MICAL1: variants seen among roughly 807,000 people sequenced by gnomAD.
MICAL1 encodes microtubule associated monooxygenase, calponin and LIM domain containing 1.
MICAL1 carries 95 observed loss-of-function variants against 131.8 expected under a neutral mutation model. The ratio of observed to expected loss-of-function variants is 0.72; its 90% CI spans 0.61 to 0.86. MICAL1 has a LOEUF of 0.86. MICAL1 is among the 40% of genes least tolerant of loss of function. The pLI is 0.00. For synonymous variants in MICAL1, 546 were observed against 554.2 expected, an observed-to-expected ratio of 0.99 and a Z score of 0.21; for missense variants, 1,292 against 1,380.6, an observed-to-expected ratio of 0.94 and a Z score of 1.02.
At chr6:109,446,842 T>C in intron 17 of MICAL1, 70 bp from the exon 18 acceptor site, 2 of 1,442,712 alleles carry the variant, frequency 1.4e-6, no homozygotes, top group African/African-American at 1.4e-5. Context: ...CAACAGTTTA[T>C]GAAGGAAGGT....
intron 1 of MICAL1, chr6:109,465,547 T>C (rs560353619): frequency 1.8e-6 from 2 of 1,140,588 alleles, no homozygotes; most frequent in South Asian, 3.0e-5. Flanking sequence ...CATTTAAACC[T>C]TACAGAAAAA....
rs532281951 is a variant in MICAL1 at position 109,446,654 on chromosome 6, T to C, written c.2304+42A>G. On this transcript the variant is annotated intron_variant, in intron 18 of 24. Coordinates refer to ENST00000358807, the MANE Select transcript of MICAL1 (RefSeq NM_022765.4). Reference sequence around the variant, plus strand: ...CGCTGGTTTGACGAGACCCTCTTCCTCTTCCCATGCCCCAATATACATACA... The same window carrying C: ...CGCTGGTTTGACGAGACCCTCTTCCCCTTCCCATGCCCCAATATACATACA... 5.6e-6 allele frequency: 9 copies of C among 1,595,958 alleles called. No homozygotes were observed. The East Asian group carries it at 2.0e-4, about 36-fold the overall frequency.
At chr6:109,451,724 G>A (rs1475654322) in intron 6 of MICAL1, 24 bp from the exon 7 acceptor site, 1 of 1,612,688 alleles carries the variant, frequency 6.2e-7, no homozygotes, top group South Asian at 1.1e-5. Flanking sequence ...GCAGGGGACA[G>A]TAGATATGTC....
intron 14 of MICAL1, 64 bp from the exon 15 acceptor site, chr6:109,447,786 A>G (rs1582641263): frequency 6.2e-7 from 1 of 1,612,540 alleles, no homozygotes. Context: ...CCACTTTCTG[A>G]ATGTCCTCAC....
At position 109,449,430 on chromosome 6, in the gene MICAL1, CGTT is replaced by C. The variant is rs766443242; in HGVS notation, c.1483_1485del (p.Asn495del). On this transcript the variant is annotated inframe_deletion, in exon 11 of 25. Coordinates refer to ENST00000358807, the MANE Select transcript of MICAL1 (RefSeq NM_022765.4). ...GCTGGCATCCCTGTATCTGTCTTGT[CGTT>C]GTTCCTCTGCACAGGCTCCTTGGCT... is the stretch of plus-strand genomic sequence containing the variant. 3.1e-6 allele frequency: 5 copies of C among 1,614,196 alleles called. No individual in the cohort carries two copies. Among genetic ancestry groups the C allele is most frequent in the East Asian group, 2.2e-5 (1 of 44,882 alleles).
rs144411949 is a variant in MICAL1 at position 109,453,757 on chromosome 6, C to A, written c.347G>T (p.Arg116Leu). 6.2e-7 allele frequency: 1 copy of A among 1,613,702 alleles called. No homozygotes were observed. The highest frequency in any genetic ancestry group is 1.1e-5 in the South Asian group (1 of 91,086). ...CACGTTGTGGCGAGAGAACTTGGTGCGCTTTTCCACCAGCACCACTCGGGC... is the reference window on the plus strand; with the variant it reads ...CACGTTGTGGCGAGAGAACTTGGTGAGCTTTTCCACCAGCACCACTCGGGC... ...LGARVVLVEK[R>L]TKFSRHNVLH... The change falls in exon 3 of 25, where the codon CGC (arginine) becomes CTC (leucine). Residue 116 changes from arginine to leucine, a missense_variant. By Grantham distance (102) the Arg-to-Leu change is moderately radical. Transcript: ENST00000358807.
chr6:109,453,234 G>A lies in MICAL1; in HGVS notation c.571+29C>T, dbSNP rs773543689. 215 of 1,557,398 alleles carry A rather than the reference G, an allele frequency of 1.4e-4. 1 individual carries two copies. Among genetic ancestry groups the A allele is most frequent in the Middle Eastern group, 1.7e-4 (1 of 5,998 alleles). Reference sequence around the variant, plus strand: ...GGCCAAGTTCTTGATGGGGGAGGGGGAGATTCCAGGGAGCATAGAAATACT... The same window carrying A: ...GGCCAAGTTCTTGATGGGGGAGGGGAAGATTCCAGGGAGCATAGAAATACT... On this transcript the variant is annotated intron_variant, in intron 4 of 24. Transcript: ENST00000358807.
intron 8 of MICAL1, 25 bp downstream of exon 8, chr6:109,450,275 C>T (rs757422264): frequency 3.1e-6 from 5 of 1,593,992 alleles, no homozygotes; most frequent in Middle Eastern, 3.9e-4. Flanking sequence ...AACCATGAAA[C>T]CCCTGTGCCT....
upstream of MICAL1, among the ~76,000 whole-genome samples, chr6:109,456,282 A>G (rs1775744189): frequency 6.6e-6 from 1 of 152,030 alleles, no homozygotes; most frequent in Non-Finnish European, 1.5e-5. Flanking sequence ...GAGGTTTGGA[A>G]AAGCCGGCGG....
upstream of MICAL1, chr6:109,456,039 C>G (rs1262693122): frequency 6.1e-6 from 6 of 985,940 alleles, no homozygotes; most frequent in Non-Finnish European, 7.2e-6. Flanking sequence ...GCGGACACCC[C>G]GTTCCGCTCT....
At chr6:109,445,371 C>G (rs534474178) in intron 21 of MICAL1, 45 bp downstream of exon 21, 3 of 1,613,400 alleles carry the variant, frequency 1.9e-6, no homozygotes, top group Non-Finnish European at 2.5e-6. Flanking sequence ...ATCTCAGTCT[C>G]AGAACTTTGA....
rs757924541 is a variant in MICAL1 at position 109,445,882 on chromosome 6, C to A, written c.2582-20G>T. The A allele has an allele frequency of 6.3e-7, 1 of 1,588,460 alleles. No homozygotes were observed. Among genetic ancestry groups the A allele is most frequent in the South Asian group, 1.1e-5 (1 of 87,780 alleles). ...CAAGAGCTGAGAAGAAGAACTGAGACGTTCTACTGCCTCCAGCGCCTGCCC... is the reference window on the plus strand; with the variant it reads ...CAAGAGCTGAGAAGAAGAACTGAGAAGTTCTACTGCCTCCAGCGCCTGCCC... On this transcript the variant is annotated intron_variant, in intron 19 of 24. Coordinates refer to ENST00000358807, the MANE Select transcript of MICAL1 (RefSeq NM_022765.4).
chr6:109,444,937 C>T lies in MICAL1; in HGVS notation c.2940G>A (p.Lys980=), dbSNP rs1411130429. The T allele has an allele frequency of 6.8e-6, 11 of 1,614,036 alleles. No homozygotes were observed. Among genetic ancestry groups the T allele is most frequent in the Non-Finnish European group, 8.5e-6 (10 of 1,180,040 alleles). ...WVGQLLQLVD[K]KNSLVAEEAE... ...CCTCCTCAGCCACCAGGCTGTTTTT[C>T]TTGTCAACGAGCTGTAGCAGCTGTC... The change falls in exon 23 of 25, where the codon AAG becomes AAA. Residue 980 remains lysine (K), a synonymous_variant. Transcript: ENST00000358807.
At chr6:109,446,891 G>T in intron 17 of MICAL1, 119 bp from the exon 18 acceptor site, 1 of 1,255,954 alleles carries the variant, frequency 8.0e-7, no homozygotes, top group Non-Finnish European at 1.1e-6. Context: ...ATTTCTGCCA[G>T]CCTCCTGTTC....
chr6:109,446,493 C>T (rs1775225405), intron 18 of MICAL1, 81 bp from the exon 19 acceptor site: 1 of 1,541,442 alleles, frequency 6.5e-7, no homozygotes, highest in Non-Finnish European at 8.9e-7. Context: ...CATTCATTCA[C>T]TTAAAACCAT....
chr6:109,460,163 T>G (rs1775849952), upstream of MICAL1, among the ~76,000 whole-genome samples: 1 of 152,080 alleles, frequency 6.6e-6, no homozygotes, highest in African/African-American at 2.4e-5. Flanking sequence ...TTTGTATTAC[T>G]GAGAATGTGG....
At chr6:109,450,270 T>G in intron 8 of MICAL1, 30 bp downstream of exon 8, 1 of 1,591,966 alleles carries the variant, frequency 6.3e-7, no homozygotes, top group Non-Finnish European at 8.6e-7. Flanking sequence ...CCCCTAACCA[T>G]GAAACCCCTG....
Position 109,447,156 on chromosome 6 carries a change from T to C in MICAL1, c.2144A>G (p.His715Arg), listed in dbSNP as rs750076454. The change falls in exon 17 of 25, where the codon CAT becomes CGT. Residue 715 changes from histidine to arginine, a missense_variant. His to Arg is a conservative substitution (Grantham distance 29). Transcript: ENST00000358807. ...YVLERLCVNG[H>R]FFHRSCFRCH... ...GCGGAAGCAGCTCCGGTGGAAGAAA[T>C]GGCCGTTGACACAGAGGCGTTCCAG... 7 of 1,613,962 alleles carry C rather than the reference T, an allele frequency of 4.3e-6. No individual in the cohort carries two copies. The African/African-American group carries it at 6.7e-5, about 15-fold the overall frequency.
chr6:109,446,479 T>G, intron 18 of MICAL1, 67 bp from the exon 19 acceptor site: 1 of 1,292,086 alleles, frequency 7.7e-7, no homozygotes, highest in Non-Finnish European at 1.1e-6. Flanking sequence ...AAGGTGAGCC[T>G]TGGCATTCAT....
Sources: gnomAD v4.1 joint callset for allele counts (sites outside exome capture counted in the v4.1 genomes callset) on GRCh38, gnomAD v4.1.1 for gene constraint, MANE v1.5 for transcripts, NCBI Gene and HGNC (gene_info 2026-07-23, HGNC 2026-07-21) for gene names.